Variants in ZNF827 observed in about 807,000 individuals in gnomAD.
ZNF827 encodes the protein zinc finger protein 827.
In ZNF827, 13 loss-of-function variants were observed where a neutral mutation model predicts 102.4. That is an observed-to-expected ratio of 0.13 (90% confidence interval 0.08 to 0.20). The LOEUF (loss-of-function observed/expected upper bound fraction) is 0.20, where lower values mean the gene tolerates loss of function less well. Ranked by LOEUF, ZNF827 falls within the 10% of genes least tolerant of loss-of-function variation. The pLI, the probability that ZNF827 is intolerant of heterozygous loss-of-function variation, is 1.00. For missense variants in ZNF827, 1,103 were observed against 1,344.4 expected (o/e 0.82, Z 2.81); for synonymous variants, 523 against 536.2 (o/e 0.98, Z 0.34).
intron 8 of ZNF827, among the ~76,000 whole-genome samples, chr4:145,817,386 T>C (rs1188068356): frequency 6.6e-6 from 1 of 152,214 alleles, no homozygotes; most frequent in Non-Finnish European, 1.5e-5. Flanking sequence ...TAGTCTATTT[T>C]CACACTGCTA....
At chr4:145,936,607 G>A (rs984329284) in intron 1 of ZNF827, among the ~76,000 whole-genome samples, 1 of 152,124 alleles carries the variant, frequency 6.6e-6, no homozygotes, top group Non-Finnish European at 1.5e-5. Flanking sequence ...CGGAGGCGCG[G>A]GGGCGCCTGG....
intron 5 of ZNF827, among the ~76,000 whole-genome samples, chr4:145,867,621 C>T (rs1579423361): frequency 6.6e-6 from 1 of 152,276 alleles, no homozygotes; most frequent in East Asian, 1.9e-4. Flanking sequence ...TTAGCTACTC[C>T]TTGGGTCAAA....
chr4:145,853,713 C>T (rs1746767629), intron 5 of ZNF827, among the ~76,000 whole-genome samples: 1 of 152,008 alleles, frequency 6.6e-6, no homozygotes, highest in African/African-American at 2.4e-5. Flanking sequence ...GTCTGTAATC[C>T]CAGTACTTCA....
chr4:145,864,914 G>A (rs145200153), intron 5 of ZNF827, among the ~76,000 whole-genome samples: 29 of 152,244 alleles, frequency 1.9e-4, no homozygotes, highest in African/African-American at 6.0e-4. Flanking sequence ...TTTTCCATCC[G>A]TATAGATTAC....
intron 5 of ZNF827, among the ~76,000 whole-genome samples, chr4:145,858,799 C>T (rs1747429238): frequency 6.6e-6 from 1 of 151,958 alleles, no homozygotes; most frequent in South Asian, 2.1e-4. Flanking sequence ...TCCTTAATGC[C>T]CAAGGAGGGA....
chr4:145,915,324 G>GT (rs1179176527), intron 1 of ZNF827, among the ~76,000 whole-genome samples: 2 of 152,132 alleles, frequency 1.3e-5, no homozygotes, highest in African/African-American at 4.8e-5. Context: ...GCACATGCCT[G>GT]TAATTCCAGC....
chr4:145,853,643 G>A (rs928464876), intron 5 of ZNF827, among the ~76,000 whole-genome samples: 3 of 152,118 alleles, frequency 2.0e-5, no homozygotes, highest in African/African-American at 4.8e-5. Flanking sequence ...TATTTCAGAG[G>A]TTGAATGGGA....
At chr4:145,769,991 A>G (rs10023166) in intron 11 of ZNF827, among the ~76,000 whole-genome samples, 146,029 of 152,286 alleles carry the variant, frequency 0.96, 70,083 homozygotes, top group African/African-American at 0.99. Context: ...TTCCATTAAG[A>G]TTAAGAATAA....
At chr4:145,812,497 A>ATGTT (rs1742121993) in intron 8 of ZNF827, among the ~76,000 whole-genome samples, 1 of 143,822 alleles carries the variant, frequency 7.0e-6, no homozygotes, top group Admixed American at 7.0e-5. Context: ...AAACCATTTT[A>ATGTT]TATTTATTTA....
At chr4:145,776,460 CA>C (rs1175778677) in intron 9 of ZNF827, among the ~76,000 whole-genome samples, 1 of 124,894 alleles carries the variant, frequency 8.0e-6, no homozygotes, top group Non-Finnish European at 1.7e-5. Flanking sequence ...AACCTTGTTT[CA>C]AAAAAAAGAA....
intron 7 of ZNF827, among the ~76,000 whole-genome samples, chr4:145,837,893 T>A (rs1254771424): frequency 1.3e-5 from 2 of 152,132 alleles, no homozygotes. Flanking sequence ...TTCAGCTTAA[T>A]CTCTCCCACT....
chr4:145,935,073 T>C (rs1314348468), intron 1 of ZNF827, among the ~76,000 whole-genome samples: 1 of 152,180 alleles, frequency 6.6e-6, no homozygotes, highest in African/African-American at 2.4e-5. Context: ...CCTCCTCCGT[T>C]ACACACTCCT....
chr4:145,918,415 T>TA (rs1030065321), intron 1 of ZNF827, among the ~76,000 whole-genome samples: 50 of 121,092 alleles, frequency 4.1e-4, no homozygotes, highest in Middle Eastern at 4.1e-3. Context: ...TCTTTATATA[T>TA]AAAAAAAAAA....
chr4:145,914,911 G>A (rs1752562303), intron 1 of ZNF827, among the ~76,000 whole-genome samples: 1 of 152,224 alleles, frequency 6.6e-6, no homozygotes. Context: ...GGATGCTCCA[G>A]AGGAGCCATT....
rs759003348 is a variant in ZNF827, at chr4:145,882,595, C to A, written c.1747+3083G>T. Among the ~76,000 whole-genome samples the A allele has an allele frequency of 6.6e-5, 10 of 152,308 alleles. No individual in the cohort carries two copies. The Middle Eastern group carries it at 0.01, about 155-fold the overall frequency. ...TTAATCCCACTCGGTTCCATTCAAT[C>A]ATCTTTATGCTTAGTTTTAGTTGAA... On this transcript the variant is annotated intron_variant, in intron 4 of 14. Transcript: ENST00000508784.
chr4:145,763,976 G>C lies in ZNF827; in HGVS notation c.3231-854C>G, dbSNP rs1436084382. On this transcript the variant is annotated intron_variant, in intron 13 of 14. Coordinates refer to ENST00000508784, the MANE Select transcript of ZNF827 (RefSeq NM_001306215.2). The surrounding 1 kb of genome is among the most constrained non-coding windows in gnomAD (Gnocchi z 4.6). The stretch of plus-strand genomic sequence containing the variant: ...GGCCTGGGGGGACCCAACCTGCACT[G>C]ACCCCAACACTCCACTCCCAGGGTC... Among the ~76,000 whole-genome samples, 3 of 151,976 alleles carry C rather than the reference G, an allele frequency of 2.0e-5. No homozygotes were observed. The highest frequency in any genetic ancestry group is 7.3e-5 in the African/African-American group (3 of 41,348).
At chr4:145,844,729 T>A (rs1013932114) in intron 7 of ZNF827, among the ~76,000 whole-genome samples, 11 of 123,478 alleles carry the variant, frequency 8.9e-5, no homozygotes, top group Admixed American at 2.5e-4. Flanking sequence ...AATAAATAAA[T>A]AAAATAAACC....
intron 5 of ZNF827, among the ~76,000 whole-genome samples, chr4:145,861,068 T>A (rs146952220): frequency 1.3e-5 from 2 of 152,188 alleles, no homozygotes; most frequent in African/African-American, 4.8e-5. Context: ...ACAAGCTACT[T>A]AGCAATGAGG....
At chr4:145,855,104 A>T (rs1180830037) in intron 5 of ZNF827, among the ~76,000 whole-genome samples, 1 of 152,212 alleles carries the variant, frequency 6.6e-6, no homozygotes, top group Non-Finnish European at 1.5e-5. Context: ...GAACACTCAT[A>T]CATGCTACAG....
Sources: allele counts gnomAD v4.1 joint callset (sites outside exome capture counted in the v4.1 genomes callset), GRCh38; gene constraint gnomAD v4.1.1; non-coding constraint Gnocchi (gnomAD v3.1); transcripts MANE v1.5; gene names NCBI Gene and HGNC (gene_info 2026-07-23, HGNC 2026-07-21).